The following PDE4D variants were observed in gnomAD, a reference collection of about 807,000 sequenced individuals.
PDE4D encodes the protein phosphodiesterase 4D.
Under a neutral mutation model 87.4 loss-of-function variants are expected in PDE4D, and 24 were observed. The observed-to-expected ratio is 0.27, with a 90% CI of 0.20 to 0.39. The LOEUF (loss-of-function observed/expected upper bound fraction) is 0.39. Ranked by LOEUF, PDE4D falls within the 10% of genes least tolerant of loss-of-function variation. The probability of loss-of-function intolerance (pLI) is 1.00; values close to 1 mark genes in which losing one functional copy is unlikely to be tolerated. For missense variants in PDE4D, 714 were observed against 1,041.0 expected (o/e 0.69, Z 4.32); for synonymous variants, 384 against 383.2 (o/e 1.00, Z -0.02).
chr5:59,264,664 A>G (rs887392849), intron 1 of PDE4D, among the ~76,000 whole-genome samples: 3 of 152,014 alleles, frequency 2.0e-5, no homozygotes, highest in Non-Finnish European at 4.4e-5. Flanking sequence ...ACCCTCAATC[A>G]CACTTAATCC....
At chr5:59,094,016 G>A (rs1345652701) in intron 5 of PDE4D, among the ~76,000 whole-genome samples, 2 of 151,752 alleles carry the variant, frequency 1.3e-5, no homozygotes, top group Non-Finnish European at 1.5e-5. Flanking sequence ...TCAAGAGATC[G>A]AGATCACCCT....
At chr5:59,177,789 A>G (rs1422211975) in intron 5 of PDE4D, among the ~76,000 whole-genome samples, 1 of 152,094 alleles carries the variant, frequency 6.6e-6, no homozygotes, top group Non-Finnish European at 1.5e-5. Flanking sequence ...CCTTATTCCT[A>G]TGTTGAGGGA....
intron 1 of PDE4D, among the ~76,000 whole-genome samples, chr5:59,465,147 G>A (rs1304465830): frequency 6.6e-6 from 1 of 152,120 alleles, no homozygotes. Context: ...CAAGTTACTG[G>A]CTTCCTGTTA....
chr5:59,680,787 T>A (rs1360022687), intron 1 of PDE4D, among the ~76,000 whole-genome samples: 1 of 152,046 alleles, frequency 6.6e-6, no homozygotes, highest in African/African-American at 2.4e-5. Flanking sequence ...ATATAATATA[T>A]TGTGAATAAT....
At chr5:59,869,746 C>T (rs1206031515) in intron 1 of PDE4D, among the ~76,000 whole-genome samples, 1 of 152,070 alleles carries the variant, frequency 6.6e-6, no homozygotes, top group East Asian at 1.9e-4. Context: ...ATTTCAGGTC[C>T]TCAAAGTGAG....
chr5:59,705,096 G>T (rs747765791), intron 1 of PDE4D, among the ~76,000 whole-genome samples: 3 of 152,164 alleles, frequency 2.0e-5, no homozygotes, highest in Non-Finnish European at 2.9e-5. Context: ...TAAACTGGCT[G>T]TATATTGAAC....
At position 59,121,684 on chromosome 5, in the gene PDE4D, A is replaced by T. The variant is rs534676098; in HGVS notation, c.808+58911T>A. 2.0e-5 allele frequency among the ~76,000 whole-genome samples: 3 copies of T among 152,322 alleles called. No individual in the cohort carries two copies. The South Asian group carries it at 6.2e-4, about 32-fold the overall frequency. On this transcript the variant is annotated intron_variant, in intron 5 of 14. Coordinates refer to ENST00000340635, the MANE Select transcript of PDE4D (RefSeq NM_001104631.2). ...GATTTCTCAAAAAACTAAAAATAGA[A>T]CTAACCACTATGTCCGGCAATCTCA...
intron 3 of PDE4D, among the ~76,000 whole-genome samples, chr5:59,950,884 C>A (rs1224533372): frequency 6.6e-6 from 1 of 151,976 alleles, no homozygotes; most frequent in African/African-American, 2.4e-5. Flanking sequence ...TATTCCAGGG[C>A]AACTCTGAAT....
intron 5 of PDE4D, among the ~76,000 whole-genome samples, chr5:59,042,088 A>G (rs1250953478): frequency 6.6e-6 from 1 of 152,242 alleles, no homozygotes; most frequent in Non-Finnish European, 1.5e-5. Flanking sequence ...TCACTGGAAC[A>G]CATCTACATG....
At chr5:59,167,023 C>G (rs199776730) in intron 5 of PDE4D, among the ~76,000 whole-genome samples, 1 of 152,162 alleles carries the variant, frequency 6.6e-6, no homozygotes, top group East Asian at 1.9e-4. Flanking sequence ...TTTCCACATG[C>G]TTTTAAATAA....
intron 1 of PDE4D, among the ~76,000 whole-genome samples, chr5:60,340,570 G>T (rs888218603): frequency 7.1e-6 from 1 of 140,326 alleles, no homozygotes; most frequent in Non-Finnish European, 1.5e-5. Flanking sequence ...AGAGAACACA[G>T]ACTCATTATG....
Position 60,455,687 on chromosome 5 carries a change from A to T in PDE4D, c.-90+32255T>A, listed in dbSNP as rs189886413. Among the ~76,000 whole-genome samples the T allele has an allele frequency of 2.0e-3, 309 of 152,272 alleles. 1 individual carries two copies. The highest frequency in any genetic ancestry group is 7.1e-3 in the African/African-American group (297 of 41,590). On this transcript the variant is annotated intron_variant, in intron 1 of 16. Transcript: ENST00000502484. ...CAATGTTCATGAAATAATAATAGCA[A>T]TTACCACCACCACCATTAGCAACTC...
At chr5:59,513,671 G>A (rs1440842544) in intron 1 of PDE4D, among the ~76,000 whole-genome samples, 2 of 152,156 alleles carry the variant, frequency 1.3e-5, no homozygotes, top group African/African-American at 2.4e-5. Flanking sequence ...AAAGTAAAAT[G>A]TCTTACATTG....
intron 1 of PDE4D, among the ~76,000 whole-genome samples, chr5:60,501,960 C>G (rs1750099361): frequency 6.6e-6 from 1 of 152,102 alleles, no homozygotes; most frequent in African/African-American, 2.4e-5. Flanking sequence ...GTTGCTTGTT[C>G]ACTCTGATGG....
At chr5:59,942,423 G>T (rs555618491) in intron 3 of PDE4D, among the ~76,000 whole-genome samples, 1 of 152,274 alleles carries the variant, frequency 6.6e-6, no homozygotes, top group East Asian at 1.9e-4. Flanking sequence ...TGTGAGGTTT[G>T]CCCTCTGTCA....
intron 6 of PDE4D, among the ~76,000 whole-genome samples, chr5:59,007,200 G>A (rs1751795404): frequency 1.3e-5 from 2 of 152,156 alleles, no homozygotes; most frequent in African/African-American, 4.8e-5. Context: ...ACTGTTTGCA[G>A]TAGGACTTAC....
At chr5:59,268,367 G>T (rs1763208249) in intron 1 of PDE4D, among the ~76,000 whole-genome samples, 1 of 152,018 alleles carries the variant, frequency 6.6e-6, no homozygotes. Flanking sequence ...ACTTGACAAA[G>T]AACTAGGCAA....
intron 1 of PDE4D, among the ~76,000 whole-genome samples, chr5:59,805,463 T>G (rs1561690500): frequency 6.6e-6 from 1 of 152,234 alleles, no homozygotes; most frequent in Non-Finnish European, 1.5e-5. Context: ...GTTCACTTAG[T>G]GAAAATTCAT....
chr5:59,714,854 C>G (rs1754764543), intron 1 of PDE4D, among the ~76,000 whole-genome samples: 1 of 152,230 alleles, frequency 6.6e-6, no homozygotes, highest in African/African-American at 2.4e-5. Context: ...GTGGCTGAGA[C>G]TGACTTCCTG....
Sources: allele counts gnomAD v4.1 joint callset (sites outside exome capture counted in the v4.1 genomes callset), GRCh38; gene constraint gnomAD v4.1.1; transcripts MANE v1.5; gene names NCBI Gene and HGNC (gene_info 2026-07-23, HGNC 2026-07-21).